Variants in MANSC1 observed in about 807,000 individuals in gnomAD.
MANSC1 encodes the protein MANSC domain containing 1, also known as MANSC domain-containing protein 1.
In MANSC1, 13 loss-of-function variants were observed where a neutral mutation model predicts 14.1. The ratio of observed to expected loss-of-function variants is 0.92; its 90% CI spans 0.60 to 1.46. MANSC1 has a LOEUF of 1.46. MANSC1 is among the 40% of genes most tolerant of loss of function. The probability of loss-of-function intolerance (pLI) is 0.00; values close to 1 mark genes in which losing one functional copy is unlikely to be tolerated. For missense variants in MANSC1, 486 were observed against 511.4 expected, an observed-to-expected ratio of 0.95 and a Z score of 0.48; for synonymous variants, 227 against 200.7, an observed-to-expected ratio of 1.13 and a Z score of -1.11.
chr12:12,326,611 T>TTG lies in MANSC1; in HGVS notation c.*3415_*3416insCA, dbSNP rs35346365. ...TTTTTAAGAGTTTTTTAGTTTTTTT[T>TTG]TTGTTGTTGTTGTTTTGTTTTTTTT... On this transcript the variant is annotated 3_prime_UTR_variant, in exon 4 of 4. Coordinates refer to ENST00000535902, the MANE Select transcript of MANSC1 (RefSeq NM_018050.4). 0.084 allele frequency: 12,149 copies of TTG among 144,120 alleles called. 528 individuals carry two copies. The highest frequency in any genetic ancestry group is 0.13 in the South Asian group (581 of 4,506). The allele number at this position is 144,120 out of a possible 1,614,324, so 8.9% of individuals were successfully genotyped here.
At chr12:12,337,516 G>A (rs71457145) in intron 3 of MANSC1, among the ~76,000 whole-genome samples, 15,290 of 152,014 alleles carry the variant, frequency 0.1, 998 homozygotes, top group East Asian at 0.22. Flanking sequence ...AGCCGAGATC[G>A]CACCACTGCA....
rs371876940 is a variant in MANSC1 at position 12,329,734 on chromosome 12, A to C, written c.*293T>G. 6.4e-5 allele frequency: 18 copies of C among 279,838 alleles called. No homozygotes were observed. The East Asian group carries it at 1.1e-3, about 17-fold the overall frequency. The allele number at this position is 279,838 out of a possible 1,614,324, so 17.3% of individuals were successfully genotyped here. A position where few individuals can be genotyped will look rare whatever the true frequency, so the allele number is the denominator to read the frequency against. On this transcript the variant is annotated 3_prime_UTR_variant, in exon 4 of 4. Coordinates refer to ENST00000535902, the MANE Select transcript of MANSC1 (RefSeq NM_018050.4). Reference sequence around the variant, plus strand: ...CCCCGTCTCTACTAAAAATACAAAAATCACCCAGGTGTGGTGGCACATGCC... The same window carrying C: ...CCCCGTCTCTACTAAAAATACAAAACTCACCCAGGTGTGGTGGCACATGCC...
At chr12:12,344,468 C>A (rs1051717777) in intron 1 of MANSC1, among the ~76,000 whole-genome samples, 1 of 149,936 alleles carries the variant, frequency 6.7e-6, no homozygotes, top group Non-Finnish European at 1.5e-5. Context: ...GGCCTCCCAG[C>A]CTATATCTTT....
intron 1 of MANSC1, among the ~76,000 whole-genome samples, chr12:12,347,331 C>G (rs1416907678): frequency 6.6e-6 from 1 of 152,144 alleles, no homozygotes; most frequent in Non-Finnish European, 1.5e-5. Flanking sequence ...GTGCAGTTCA[C>G]AACAGGGTTC....
intron 3 of MANSC1, among the ~76,000 whole-genome samples, chr12:12,331,218 T>C (rs1401157131): frequency 3.9e-5 from 6 of 152,166 alleles, no homozygotes; most frequent in Admixed American, 3.3e-4. Context: ...TGACATTTCA[T>C]TGAAATGTGT....
At chr12:12,339,738 C>T (rs1044511328) in intron 2 of MANSC1, among the ~76,000 whole-genome samples, 1 of 151,850 alleles carries the variant, frequency 6.6e-6, no homozygotes, top group Non-Finnish European at 1.5e-5. Flanking sequence ...TCCAATTACC[C>T]CTCTCTCCTT....
chr12:12,331,961 G>A (rs755552117), intron 3 of MANSC1, among the ~76,000 whole-genome samples: 3 of 152,110 alleles, frequency 2.0e-5, no homozygotes, highest in African/African-American at 2.4e-5. Flanking sequence ...TAGACACAGA[G>A]GGCAGAAAAA....
Position 12,330,821 on chromosome 12 carries a change from A to T in MANSC1, c.502T>A (p.Trp168Arg). Residue 168 changes from tryptophan to arginine, a missense_variant, in exon 4 of 4, where the codon TGG becomes AGG. Physicochemically the swap from Trp to Arg is moderately radical, Grantham distance 101. Coordinates refer to ENST00000535902, the MANE Select transcript of MANSC1 (RefSeq NM_018050.4). ...AACTTCTGAGAAAGTGTGTCTCTCC[A>T]TGAGATATCGGTGGGCTTTGAATAA... ...TDYSKPTDIS[W>R]RDTLSQKFGS... 1 of 1,614,156 alleles carries T rather than the reference A, an allele frequency of 6.2e-7. No homozygotes were observed. Among genetic ancestry groups the T allele is most frequent in the Non-Finnish European group, 8.5e-7 (1 of 1,180,022 alleles).
intron 1 of MANSC1, among the ~76,000 whole-genome samples, chr12:12,344,923 A>G (rs1237027277): frequency 7.1e-5 from 2 of 28,216 alleles, no homozygotes; most frequent in Non-Finnish European, 1.4e-4. Context: ...TCCCATATAT[A>G]TATATATATA....
intron 1 of MANSC1, among the ~76,000 whole-genome samples, chr12:12,344,690 C>T (rs1425984872): frequency 6.0e-5 from 9 of 150,042 alleles, no homozygotes; most frequent in East Asian, 2.0e-4. Context: ...AGGATGATCT[C>T]GATCTCCTGA....
At chr12:12,349,510 C>T (rs1407901861) in intron 1 of MANSC1, among the ~76,000 whole-genome samples, 2 of 152,100 alleles carry the variant, frequency 1.3e-5, no homozygotes, top group Admixed American at 1.3e-4. Flanking sequence ...CTTTAAGGGC[C>T]TGAAGTCGAG....
At chr12:12,334,621 T>A (rs1380827999) in intron 3 of MANSC1, among the ~76,000 whole-genome samples, 1 of 152,200 alleles carries the variant, frequency 6.6e-6, no homozygotes, top group Non-Finnish European at 1.5e-5. Flanking sequence ...TTTCACTTCA[T>A]TACCTTCACA....
chr12:12,341,282 T>C (rs1862929204), intron 2 of MANSC1, among the ~76,000 whole-genome samples: 2 of 152,178 alleles, frequency 1.3e-5, no homozygotes, highest in African/African-American at 2.4e-5. Context: ...GGGATACAAA[T>C]GAACAGCCAA....
Position 12,329,690 on chromosome 12 carries a change from C to T in MANSC1, c.*337G>A, listed in dbSNP as rs1159032043. Reference sequence around the variant, plus strand: ...CACTAGGTCAGGAGTTTGAGACCAGCCTGACCAACATGGTGAAACCCCGTC... The same window carrying T: ...CACTAGGTCAGGAGTTTGAGACCAGTCTGACCAACATGGTGAAACCCCGTC... On this transcript the variant is annotated 3_prime_UTR_variant, in exon 4 of 4. Coordinates refer to ENST00000535902, the MANE Select transcript of MANSC1 (RefSeq NM_018050.4). 1 of 200,240 alleles carries T rather than the reference C, an allele frequency of 5.0e-6. No homozygotes were observed. Among genetic ancestry groups the T allele is most frequent in the East Asian group, 1.2e-4 (1 of 8,178 alleles). 12.4% of individuals were successfully genotyped at this position (200,240 alleles called of 1,614,324 possible). A position where few individuals can be genotyped will look rare whatever the true frequency, so the allele number is the denominator to read the frequency against.
At chr12:12,335,872 A>T (rs960993287) in intron 3 of MANSC1, among the ~76,000 whole-genome samples, 10 of 151,522 alleles carry the variant, frequency 6.6e-5, no homozygotes, top group East Asian at 2.0e-4. Context: ...AACTCCCAAC[A>T]GCTTCCCACC....
rs768251896 is a variant in MANSC1 at position 12,330,504 on chromosome 12, A to G, written c.819T>C (p.Thr273=). Residue 273 remains threonine, a synonymous_variant, in exon 4 of 4, where the codon ACT becomes ACC. Transcript: ENST00000535902. ...GGGTCGTGGGAGGCTGAGAAGTGAC[A>G]GTGGTTACAGGTGGAGCTGTGGTGG... is the stretch of plus-strand genomic sequence containing the variant. The part of the protein sequence containing the change: ...QLATTAPPVT[T]VTSQPPTTLI... The G allele has an allele frequency of 8.7e-6, 14 of 1,614,212 alleles. No homozygotes were observed. The highest frequency in any genetic ancestry group is 1.2e-5 in the Non-Finnish European group (14 of 1,180,040).
intron 3 of MANSC1, 24 bp downstream of exon 3, chr12:12,338,396 G>C (rs372109871): frequency 6.5e-7 from 1 of 1,543,228 alleles, no homozygotes; most frequent in African/African-American, 1.4e-5. Context: ...AATCACAAAA[G>C]AAAAAGTATA....
At chr12:12,337,031 G>A (rs1449569166) in intron 3 of MANSC1, among the ~76,000 whole-genome samples, 1 of 152,136 alleles carries the variant, frequency 6.6e-6, no homozygotes, top group Non-Finnish European at 1.5e-5. Context: ...AGCACTTTGG[G>A]AGGCTAAGGA....
chr12:12,338,845 G>C (rs1198464721), intron 2 of MANSC1: 1 of 443,280 alleles, frequency 2.3e-6, no homozygotes, highest in African/African-American at 2.1e-5. Context: ...GTCTTTAAAG[G>C]CCAAGAAGGC....
Sources: gnomAD v4.1 joint callset for allele counts (sites outside exome capture counted in the v4.1 genomes callset) on GRCh38, gnomAD v4.1.1 for gene constraint, MANE v1.5 for transcripts, NCBI Gene and HGNC (gene_info 2026-07-23, HGNC 2026-07-21) for gene names.